The following LPP variants were observed in gnomAD, a reference collection of about 807,000 sequenced individuals.
The protein encoded by LPP is LIM domain containing preferred translocation partner in lipoma.
Under a neutral mutation model 60.4 loss-of-function variants are expected in LPP, and 38 were observed. That is an observed-to-expected ratio of 0.63 (90% confidence interval 0.49 to 0.83). LPP has a LOEUF of 0.83. Ranked by LOEUF, LPP falls within the 40% of genes least tolerant of loss-of-function variation. The pLI is 0.00. For synonymous variants in LPP, 328 were observed against 290.8 expected (o/e 1.13, Z -1.30); for missense variants, 902 against 783.6 (o/e 1.15, Z -1.80).
rs1359549882 is a variant in LPP, at chr3:188,609,621, A to T, written c.890A>T (p.Tyr297Phe). ...YGYAPNQGRY[Y>F]EGYYAAGPGY... is the part of the protein sequence containing the mutation. ...TATGCCCCCAACCAGGGACGCTATT[A>T]TGAAGGCTACTATGCAGCAGGGCCA... The change falls in exon 7 of 12, where the codon TAT becomes TTT. Residue 297 changes from tyrosine to phenylalanine, a missense_variant. Transcript: ENST00000617246. The surrounding 1 kb of genome is among the most constrained non-coding windows in gnomAD (Gnocchi z 6.9). 1.2e-6 allele frequency: 2 copies of T among 1,614,150 alleles called. No individual in the cohort carries two copies. The highest frequency in any genetic ancestry group is 1.7e-6 in the Non-Finnish European group (2 of 1,180,024).
chr3:188,361,095 C>T lies in LPP; in HGVS notation c.-10+19376C>T, dbSNP rs77303299. On this transcript the variant is annotated intron_variant, in intron 3 of 11. Transcript: ENST00000617246. ...ACTATGGAAGACTAGGTGGAGCTGA[C>T]GGGATGTTGGGATTTCAGGAAAGCT... Among the ~76,000 whole-genome samples the T allele has an allele frequency of 1.6e-4, 25 of 152,154 alleles. No homozygotes were observed. The East Asian group carries it at 2.3e-3, about 14-fold the overall frequency.
intron 7 of LPP, among the ~76,000 whole-genome samples, chr3:188,681,070 T>TA (rs1230798229): frequency 6.6e-6 from 1 of 151,302 alleles, no homozygotes; most frequent in Non-Finnish European, 1.5e-5. Flanking sequence ...GATCTCTGCT[T>TA]ACTGCAATCA....
chr3:188,521,306 G>A (rs924598006), intron 5 of LPP, among the ~76,000 whole-genome samples: 1 of 152,160 alleles, frequency 6.6e-6, no homozygotes, highest in Non-Finnish European at 1.5e-5. Context: ...TCTGAACTTA[G>A]AGGGTAGGGA....
At chr3:188,502,672 A>G (rs931870589) in intron 5 of LPP, among the ~76,000 whole-genome samples, 1 of 152,166 alleles carries the variant, frequency 6.6e-6, no homozygotes, top group Non-Finnish European at 1.5e-5. Flanking sequence ...TGATGGGGTT[A>G]TGTCCCACTA....
chr3:188,768,384 G>T (rs756711651), intron 9 of LPP, among the ~76,000 whole-genome samples: 14 of 152,076 alleles, frequency 9.2e-5, no homozygotes, highest in Non-Finnish European at 1.5e-4. Flanking sequence ...CATAAATGCA[G>T]AAATCCTAAG....
chr3:188,628,225 T>G (rs745381995), intron 7 of LPP, among the ~76,000 whole-genome samples: 1 of 151,848 alleles, frequency 6.6e-6, no homozygotes, highest in African/African-American at 2.4e-5. Flanking sequence ...CCAAAGTTGA[T>G]AGAAGAAAAT....
intron 2 of LPP, among the ~76,000 whole-genome samples, chr3:188,240,681 G>A (rs1376712507): frequency 6.9e-6 from 1 of 144,394 alleles, no homozygotes; most frequent in Admixed American, 6.7e-5. Context: ...AACTAGTAAG[G>A]CTGCTCAGGT....
chr3:188,299,146 G>A (rs1748904242), intron 2 of LPP, among the ~76,000 whole-genome samples: 2 of 152,188 alleles, frequency 1.3e-5, no homozygotes, highest in Admixed American at 6.5e-5. Context: ...CTAGAAGGGA[G>A]GCCACTTTTC....
chr3:188,417,672 C>G (rs1786672026), intron 4 of LPP, among the ~76,000 whole-genome samples: 1 of 152,118 alleles, frequency 6.6e-6, no homozygotes. Flanking sequence ...GAAATATGAT[C>G]TTATACCACA....
chr3:188,160,918 T>C (rs1718068724), intron 1 of LPP, among the ~76,000 whole-genome samples: 1 of 152,222 alleles, frequency 6.6e-6, no homozygotes, highest in African/African-American at 2.4e-5. Flanking sequence ...GGTGAATGCC[T>C]ATGGAAAAGA....
intron 3 of LPP, among the ~76,000 whole-genome samples, chr3:188,372,953 C>T (rs953308325): frequency 8.6e-5 from 13 of 151,794 alleles, no homozygotes; most frequent in Non-Finnish European, 1.5e-4. Context: ...TGAGAACATG[C>T]GGTGTTTGGT....
chr3:188,643,584 C>T (rs1294146599), intron 7 of LPP, among the ~76,000 whole-genome samples: 3 of 152,098 alleles, frequency 2.0e-5, no homozygotes, highest in Admixed American at 6.5e-5. Context: ...TTTTTCTGGA[C>T]GCCTTTTTAG....
chr3:188,290,637 T>C (rs1206236113), intron 2 of LPP, among the ~76,000 whole-genome samples: 3 of 152,038 alleles, frequency 2.0e-5, no homozygotes, highest in African/African-American at 7.2e-5. Context: ...GTTTAGAACA[T>C]AGGAGTTGTA....
intron 7 of LPP, among the ~76,000 whole-genome samples, chr3:188,630,583 A>G (rs1847678459): frequency 6.6e-6 from 1 of 152,204 alleles, no homozygotes; most frequent in Admixed American, 6.5e-5. Context: ...TGTAAACTAG[A>G]ACTACCATTT....
intron 4 of LPP, among the ~76,000 whole-genome samples, chr3:188,438,146 C>G (rs966002930): frequency 1.2e-4 from 18 of 151,962 alleles, no homozygotes; most frequent in African/African-American, 4.1e-4. Flanking sequence ...TCATTGCAGT[C>G]AGGATGGCTA....
intron 3 of LPP, among the ~76,000 whole-genome samples, chr3:188,371,615 A>AT (rs1397469922): frequency 4.2e-4 from 16 of 38,466 alleles, no homozygotes; most frequent in African/African-American, 6.5e-4. Context: ...AGTGGTGGGA[A>AT]AATATATATA....
chr3:188,195,814 A>G (rs1729374604), intron 1 of LPP, among the ~76,000 whole-genome samples: 1 of 152,248 alleles, frequency 6.6e-6, no homozygotes, highest in African/African-American at 2.4e-5. Context: ...CAGGAAATTA[A>G]CAATTTCATA....
At chr3:188,643,303 C>A (rs745344583) in intron 7 of LPP, among the ~76,000 whole-genome samples, 1 of 152,084 alleles carries the variant, frequency 6.6e-6, no homozygotes, top group Admixed American at 6.6e-5. Context: ...TATTTATAGA[C>A]GAGTAAAATG....
intron 7 of LPP, among the ~76,000 whole-genome samples, chr3:188,690,007 C>A (rs983585180): frequency 1.3e-5 from 2 of 151,998 alleles, no homozygotes; most frequent in African/African-American, 2.4e-5. Context: ...GAAATCACTG[C>A]ATCTGTTTCC....
Sources: gnomAD v4.1 joint callset for allele counts (sites outside exome capture counted in the v4.1 genomes callset) on GRCh38, gnomAD v4.1.1 for gene constraint, Gnocchi (gnomAD v3.1) non-coding constraint, MANE v1.5 for transcripts, NCBI Gene and HGNC (gene_info 2026-07-23, HGNC 2026-07-21) for gene names.